DPY19L4: variants seen among roughly 807,000 people sequenced by gnomAD.
DPY19L4 encodes the protein dpy-19 like 4.
In DPY19L4, 97 loss-of-function variants were observed where a neutral mutation model predicts 102.8. The ratio of observed to expected loss-of-function variants is 0.94; its 90% CI spans 0.80 to 1.12. The LOEUF is 1.12. Ranked by LOEUF, DPY19L4 falls within the 50% of genes most tolerant of loss-of-function variation. The pLI is 0.00. For synonymous variants in DPY19L4, 252 were observed against 283.1 expected (o/e 0.89, Z 1.10); for missense variants, 815 against 850.4 (o/e 0.96, Z 0.52).
intron 7 of DPY19L4, among the ~76,000 whole-genome samples, chr8:94,760,037 C>T (rs931719747): frequency 3.9e-5 from 6 of 152,166 alleles, no homozygotes; most frequent in African/African-American, 1.4e-4. Context: ...CTGTGAGACA[C>T]AGCAAGCAAG....
chr8:94,729,690 A>G (rs1435583397), intron 2 of DPY19L4, among the ~76,000 whole-genome samples: 3 of 139,182 alleles, frequency 2.2e-5, no homozygotes, highest in African/African-American at 8.2e-5. Context: ...TTAGCTGAGA[A>G]TGTGGTGGTT....
At chr8:94,720,307 G>A (rs1211142397) in intron 1 of DPY19L4, 1 of 960,748 alleles carries the variant, frequency 1.0e-6, no homozygotes, top group South Asian at 4.8e-5. Flanking sequence ...AAGAGGGAGG[G>A]TCCTGATCAG....
rs1810891539 is a variant in DPY19L4 at position 94,730,362 on chromosome 8, A to G, written c.127+3921A>G. On this transcript the variant is annotated intron_variant, in intron 2 of 18. Transcript: ENST00000414645. ...TTTTAAGAGTTTGAGACCAGGAACC[A>G]GAGCTCCTTATTTTCTCTAAAATAC... Among the ~76,000 whole-genome samples the G allele has an allele frequency of 2.0e-5, 3 of 152,320 alleles. No individual in the cohort carries two copies. In the East Asian group the frequency reaches 5.8e-4, roughly 29 times the overall value.
intron 6 of DPY19L4, among the ~76,000 whole-genome samples, chr8:94,742,415 CAG>C (rs1234561937): frequency 1.3e-5 from 2 of 152,056 alleles, no homozygotes; most frequent in African/African-American, 4.8e-5. Context: ...CTTTTTGAGA[CAG>C]AGTCTTACTC....
At chr8:94,774,373 TAAA>T (rs1169273514) in intron 13 of DPY19L4, among the ~76,000 whole-genome samples, 2 of 152,120 alleles carry the variant, frequency 1.3e-5, no homozygotes, top group African/African-American at 4.8e-5. Context: ...AAAATTATGA[TAAA>T]GAAGTACATA....
Position 94,744,259 on chromosome 8 carries a change from A to G in DPY19L4, c.611+4469A>G, listed in dbSNP as rs1294319970. ...GAAGCATCTGCTTCCAAGCTCACTCATGTGGCCATTTCCCAGAGGCCCAGT... is the reference window on the plus strand; with the variant it reads ...GAAGCATCTGCTTCCAAGCTCACTCGTGTGGCCATTTCCCAGAGGCCCAGT... On this transcript the variant is annotated intron_variant, in intron 6 of 18. Transcript: ENST00000414645. 9.2e-6 allele frequency: 4 copies of G among 432,926 alleles called. No individual in the cohort carries two copies. In the Admixed American group the frequency reaches 1.0e-4, roughly 11 times the overall value. 26.8% of individuals were successfully genotyped at this position (432,926 alleles called of 1,614,324 possible). A position where few individuals can be genotyped will look rare whatever the true frequency, so the allele number is the denominator to read the frequency against.
rs552885541 is a variant in DPY19L4, at chr8:94,772,728, C to T, written c.1454+2157C>T. 2.6e-5 allele frequency among the ~76,000 whole-genome samples: 4 copies of T among 152,316 alleles called. No homozygotes were observed. In the Middle Eastern group the frequency reaches 0.01, roughly 389 times the overall value. The stretch of plus-strand genomic sequence containing the variant: ...TGAACTGACACCACATGCTCCAAGG[C>T]TCCCACCATAAATCACACTGTTAGC... On this transcript the variant is annotated intron_variant, in intron 13 of 18. Transcript: ENST00000414645.
Position 94,734,667 on chromosome 8 carries a change from C to G in DPY19L4, c.165C>G (p.Gly55=). The stretch of plus-strand genomic sequence containing the variant: ...AACGCTTTGCAAAGATTTTCATTGG[C>G]TGTCTTGCAGCGGTTACTAGTGGTA... ...LFQRFAKIFI[G]CLAAVTSGMM... is the part of the protein sequence containing the mutation. The change falls in exon 3 of 19, where the codon GGC becomes GGG. Residue 55 remains glycine, a synonymous_variant. Transcript: ENST00000414645. 1.9e-6 allele frequency: 3 copies of G among 1,613,942 alleles called. No individual in the cohort carries two copies. The highest frequency in any genetic ancestry group is 1.7e-6 in the Non-Finnish European group (2 of 1,179,922).
In DPY19L4 at chr8:94,731,658, C is replaced by T. The variant is rs937617021; in HGVS notation, c.128-2972C>T. The stretch of plus-strand genomic sequence containing the variant: ...CTCAAACTCCCGACCTCAGGTGATC[C>T]GCCCACCTCAGTCTCCCAAAAAGCT... On this transcript the variant is annotated intron_variant, in intron 2 of 18. Transcript: ENST00000414645. Among the ~76,000 whole-genome samples, 16 of 152,300 alleles carry T rather than the reference C, an allele frequency of 1.1e-4. 1 individual carries two copies. Among genetic ancestry groups the T allele is most frequent in the Admixed American group, 5.2e-4 (8 of 15,302 alleles).
intron 12 of DPY19L4, 42 bp from the exon 13 acceptor site, chr8:94,770,410 A>G: frequency 6.4e-7 from 1 of 1,556,452 alleles, no homozygotes; most frequent in African/African-American, 1.4e-5. Context: ...TTTTTTACAA[A>G]TACATTTTCA....
intron 17 of DPY19L4, 66 bp from the exon 18 acceptor site, chr8:94,787,828 T>G (rs1374183262): frequency 6.2e-6 from 6 of 960,658 alleles, no homozygotes; most frequent in African/African-American, 1.7e-5. Context: ...TACTGAAGTT[T>G]TAAATGTCCT....
chr8:94,743,108 A>G (rs944459192), intron 6 of DPY19L4, among the ~76,000 whole-genome samples: 1 of 151,732 alleles, frequency 6.6e-6, no homozygotes, highest in Non-Finnish European at 1.5e-5. Flanking sequence ...GCTCACTGCA[A>G]CCTCTGCCTC....
chr8:94,790,647 C>A lies in DPY19L4; in HGVS notation c.*737C>A, dbSNP rs866060687. On this transcript the variant is annotated 3_prime_UTR_variant, in exon 19 of 19. Coordinates refer to ENST00000414645, the MANE Select transcript of DPY19L4 (RefSeq NM_181787.3). Reference sequence around the variant, plus strand: ...AATTTAATCATGATAAAACAATAACCGTTAACATATATTTTGTTAAATGGA... The same window carrying A: ...AATTTAATCATGATAAAACAATAACAGTTAACATATATTTTGTTAAATGGA... 2.0e-5 allele frequency: 3 copies of A among 151,014 alleles called. No homozygotes were observed. The highest frequency in any genetic ancestry group is 7.1e-3 in the Middle Eastern group (2 of 282). 9.4% of individuals were successfully genotyped at this position (151,014 alleles called of 1,614,324 possible).
intron 18 of DPY19L4, 25 bp downstream of exon 18, chr8:94,788,077 ATAT>A: frequency 8.7e-7 from 1 of 1,154,976 alleles, no homozygotes; most frequent in South Asian, 2.9e-5. Flanking sequence ...GGAAAGTTAT[ATAT>A]ATGTATATAT....
At chr8:94,759,061 C>T (rs558627359) in intron 7 of DPY19L4, among the ~76,000 whole-genome samples, 5 of 152,084 alleles carry the variant, frequency 3.3e-5, no homozygotes, top group Non-Finnish European at 4.4e-5. Flanking sequence ...AATGAAGCCG[C>T]GGACCCTTGT....
chr8:94,788,805 G>A (rs1335384215), intron 18 of DPY19L4, among the ~76,000 whole-genome samples: 1 of 152,150 alleles, frequency 6.6e-6, no homozygotes, highest in East Asian at 1.9e-4. Context: ...AGTGGTAGTA[G>A]ATATACTATT....
intron 6 of DPY19L4, among the ~76,000 whole-genome samples, chr8:94,742,098 C>T (rs1485915644): frequency 6.6e-6 from 1 of 152,188 alleles, no homozygotes; most frequent in Non-Finnish European, 1.5e-5. Flanking sequence ...GTGGCTCACG[C>T]CTGTAATCCC....
rs1257083376 is a variant in DPY19L4 at position 94,761,798 on chromosome 8, C to T, written c.834C>T (p.Phe278=). The change falls in exon 8 of 19, where the codon TTC becomes TTT. Residue 278 remains phenylalanine, a synonymous_variant. Transcript: ENST00000414645. ...TGTTTCTTCAAGCAATATCTCTATT[C>T]CTGCTAGATACCTTTTCAGTGGAGC... ...YLLFLQAISL[F]LLDTFSVEQS... 8.7e-6 allele frequency: 14 copies of T among 1,610,910 alleles called. No homozygotes were observed. The highest frequency in any genetic ancestry group is 1.7e-4 in the Middle Eastern group (1 of 6,054).
intron 2 of DPY19L4, among the ~76,000 whole-genome samples, chr8:94,728,992 A>G (rs539707517): frequency 6.6e-6 from 1 of 151,870 alleles, no homozygotes; most frequent in East Asian, 1.9e-4. Flanking sequence ...ACCGTCCTGG[A>G]CAACATAGTG....
Sources: gnomAD v4.1 joint callset for allele counts (sites outside exome capture counted in the v4.1 genomes callset) on GRCh38, gnomAD v4.1.1 for gene constraint, MANE v1.5 for transcripts, NCBI Gene and HGNC (gene_info 2026-07-23, HGNC 2026-07-21) for gene names.